Variants in MTIF3 observed in about 807,000 individuals in gnomAD.
The protein encoded by MTIF3 is mitochondrial translational initiation factor 3, also known as translation initiation factor IF-3, mitochondrial.
In MTIF3, 13 loss-of-function variants were observed where a neutral mutation model predicts 20.7. The observed-to-expected ratio is 0.63, with a 90% CI of 0.41 to 1.00. MTIF3 has a LOEUF of 1.00. Ranked by LOEUF, MTIF3 falls within the 50% of genes least tolerant of loss-of-function variation. The pLI, the probability that MTIF3 is intolerant of heterozygous loss-of-function variation, is 0.00. For missense variants in MTIF3, 295 were observed against 324.5 expected (o/e 0.91, Z 0.70); for synonymous variants, 114 against 112.5 (o/e 1.01, Z -0.08).
chr13:27,442,749 C>T (rs576947354), intron 2 of MTIF3, among the ~76,000 whole-genome samples: 8 of 152,262 alleles, frequency 5.3e-5, no homozygotes, highest in African/African-American at 1.4e-4. Flanking sequence ...ACCTACTCAG[C>T]GAGCCCTTCC....
intron 1 of MTIF3, among the ~76,000 whole-genome samples, chr13:27,447,832 T>C (rs1954230728): frequency 6.6e-6 from 1 of 152,244 alleles, no homozygotes; most frequent in East Asian, 1.9e-4. Flanking sequence ...GTTGTACGGA[T>C]CATTACCTTG....
At position 27,440,165 on chromosome 13, in the gene MTIF3, T is replaced by C. The variant is rs1171562413; in HGVS notation, c.284A>G (p.Asn95Ser). Reference protein sequence around the residue: ...RVIHLFDEKGNDLGNMHRANV... With the variant: ...RVIHLFDEKGSDLGNMHRANV... ...TGCTCGGTGCATGTTTCCCAAATCA[T>C]TGCCCTTCTCATCAAATAAGTGAAT... Residue 95 changes from asparagine to serine, a missense_variant, in exon 3 of 5, where the codon AAT (asparagine) becomes AGT (serine). Coordinates refer to ENST00000381120, the MANE Select transcript of MTIF3 (RefSeq NM_152912.5). 4.3e-6 allele frequency: 7 copies of C among 1,614,132 alleles called. No homozygotes were observed. Among genetic ancestry groups the C allele is most frequent in the Admixed American group, 1.7e-5 (1 of 60,010 alleles).
At position 27,435,729 on chromosome 13, in the gene MTIF3, GTC is replaced by G. The variant is rs1374223165; in HGVS notation, c.781_782del (p.Asp261HisfsTer9). On this transcript the variant is annotated frameshift_variant, in exon 5 of 5. Transcript: ENST00000381120. LOFTEE classifies it low-confidence loss of function (END_TRUNC). ...CATTTCCATGGTCTTTGTTCAAAGT[GTC>G]TCTTTCCTGGGTCTCTTGAGTTTCT... The part of the protein sequence containing the change: ...YKETQETQER[D>X]TLNKDHGNDK... 1 of 1,613,900 alleles carries G rather than the reference GTC, an allele frequency of 6.2e-7. No homozygotes were observed. The highest frequency in any genetic ancestry group is 1.1e-5 in the South Asian group (1 of 91,080).
chr13:27,437,436 C>G (rs953159444), intron 3 of MTIF3, among the ~76,000 whole-genome samples, 163 bp from the exon 4 acceptor site: 1 of 152,180 alleles, frequency 6.6e-6, no homozygotes, highest in Non-Finnish European at 1.5e-5. Context: ...GGGGAAGATA[C>G]ACATAAAGGT....
intron 3 of MTIF3, among the ~76,000 whole-genome samples, chr13:27,438,693 G>C (rs992635843): frequency 6.6e-6 from 1 of 151,794 alleles, no homozygotes; most frequent in Non-Finnish European, 1.5e-5. Context: ...ATGGGGTTTT[G>C]CTATATTGCC....
At chr13:27,448,066 C>T (rs1404152731) in intron 1 of MTIF3, among the ~76,000 whole-genome samples, 4 of 130,938 alleles carry the variant, frequency 3.1e-5, no homozygotes, top group Non-Finnish European at 4.6e-5. Context: ...TGCATTCTAC[C>T]GGAAGTACTG....
At chr13:27,440,934 T>C (rs895452517) in intron 2 of MTIF3, 1 of 164,790 alleles carries the variant, frequency 6.1e-6, no homozygotes, top group African/African-American at 2.4e-5. Flanking sequence ...CCATATGTAT[T>C]ATATACTGTA....
intron 4 of MTIF3, 68 bp downstream of exon 4, chr13:27,437,048 G>A: frequency 6.5e-7 from 1 of 1,537,306 alleles, no homozygotes; most frequent in South Asian, 1.2e-5. Flanking sequence ...ACCGCGCCTG[G>A]CCTACAATTG....
chr13:27,439,963 CAG>C, intron 3 of MTIF3, 24 bp downstream of exon 3: 1 of 1,599,158 alleles, frequency 6.3e-7, no homozygotes. Flanking sequence ...TTAAAGGATT[CAG>C]GGAGCCAACA....
intron 1 of MTIF3, among the ~76,000 whole-genome samples, chr13:27,447,018 G>T (rs978465770): frequency 3.3e-5 from 5 of 152,074 alleles, no homozygotes; most frequent in Admixed American, 2.6e-4. Context: ...AACAAATGGT[G>T]ATGGTTTCAG....
chr13:27,438,182 C>A (rs1255413544), intron 3 of MTIF3, among the ~76,000 whole-genome samples: 3 of 152,014 alleles, frequency 2.0e-5, no homozygotes, highest in Non-Finnish European at 2.9e-5. Flanking sequence ...AGAGTATGCA[C>A]CAGGGTTCAT....
chr13:27,436,061 A>C (rs921287496), intron 4 of MTIF3, among the ~76,000 whole-genome samples, 168 bp from the exon 5 acceptor site: 1 of 152,210 alleles, frequency 6.6e-6, no homozygotes, highest in Non-Finnish European at 1.5e-5. Context: ...AAATCTGTAC[A>C]ATAACACCAT....
intron 1 of MTIF3, among the ~76,000 whole-genome samples, chr13:27,446,945 T>C (rs1449871870): frequency 2.0e-5 from 3 of 152,070 alleles, no homozygotes; most frequent in Non-Finnish European, 4.4e-5. Context: ...ATATAATTCG[T>C]CCATGTAATG....
At chr13:27,440,894 TA>T (rs1016196442) in intron 2 of MTIF3, 1 of 173,584 alleles carries the variant, frequency 5.8e-6, no homozygotes, top group Admixed American at 5.4e-5. Flanking sequence ...ATGAATAACA[TA>T]AGCAGTTGAT....
intron 1 of MTIF3, chr13:27,450,157 G>C (rs887768523): frequency 2.6e-5 from 4 of 152,446 alleles, no homozygotes; most frequent in Admixed American, 1.3e-4. Context: ...GAACGGGACC[G>C]GCGGAGCGCC....
At chr13:27,444,050 C>T (rs993501159) in intron 2 of MTIF3, among the ~76,000 whole-genome samples, 25 of 152,118 alleles carry the variant, frequency 1.6e-4, no homozygotes, top group African/African-American at 3.6e-4. Context: ...ACGCCTGTAA[C>T]CCCAGCACTT....
chr13:27,444,762 C>T (rs1182671233), intron 2 of MTIF3, among the ~76,000 whole-genome samples: 2 of 152,108 alleles, frequency 1.3e-5, no homozygotes, highest in Non-Finnish European at 1.5e-5. Flanking sequence ...AGAGGTACTC[C>T]TTAATCTTTT....
intron 3 of MTIF3, 26 bp from the exon 4 acceptor site, chr13:27,437,299 G>C (rs535247267): frequency 1.2e-6 from 2 of 1,609,604 alleles, no homozygotes; most frequent in East Asian, 4.5e-5. Flanking sequence ...TAGGGTGCAA[G>C]GACTACTGAC....
chr13:27,446,717 C>G (rs527509698), intron 1 of MTIF3, among the ~76,000 whole-genome samples: 1 of 152,142 alleles, frequency 6.6e-6, no homozygotes, highest in South Asian at 2.1e-4. Context: ...TCTAAGTGAC[C>G]CATAAATAAG....
Sources: gnomAD v4.1 joint callset for allele counts (sites outside exome capture counted in the v4.1 genomes callset) on GRCh38, gnomAD v4.1.1 for gene constraint, MANE v1.5 for transcripts, NCBI Gene and HGNC (gene_info 2026-07-23, HGNC 2026-07-21) for gene names.